FHIT: variants seen among roughly 807,000 people sequenced by gnomAD.
FHIT encodes fragile histidine triad diadenosine triphosphatase, also known as bis(5'-adenosyl)-triphosphatase.
In FHIT, 19 loss-of-function variants were observed where a neutral mutation model predicts 17.9. The ratio of observed to expected loss-of-function variants is 1.06; its 90% CI spans 0.74 to 1.56. The LOEUF is 1.56. FHIT is among the 40% of genes most tolerant of loss of function. The pLI, the probability that FHIT is intolerant of heterozygous loss-of-function variation, is 0.00. For synonymous variants in FHIT, 81 were observed against 69.7 expected (o/e 1.16, Z -0.81); for missense variants, 248 against 189.2 (o/e 1.31, Z -1.82).
At chr3:60,216,529 T>C (rs539965907) in intron 5 of FHIT, among the ~76,000 whole-genome samples, 15 of 152,274 alleles carry the variant, frequency 9.9e-5, no homozygotes, top group African/African-American at 2.2e-4. Context: ...ATTAAAGTTA[T>C]AGGCAAAAAT....
At chr3:60,796,001 C>T (rs1553730177) in intron 4 of FHIT, among the ~76,000 whole-genome samples, 2 of 152,056 alleles carry the variant, frequency 1.3e-5, no homozygotes, top group African/African-American at 2.4e-5. Flanking sequence ...AGAATCATGG[C>T]GGGAGGTGAA....
rs531188013 is a variant in FHIT at position 61,020,461 on chromosome 3, C to T, written c.-111+21586G>A. Among the ~76,000 whole-genome samples, 26 of 152,132 alleles carry T rather than the reference C, an allele frequency of 1.7e-4. No individual in the cohort carries two copies. In the East Asian group the frequency reaches 4.5e-3, roughly 26 times the overall value. ...AGCACTTTGTCTGATGGATAGATTGCAAAGATTTTCTCCCATTCTGTAGGT... is the reference window on the plus strand; with the variant it reads ...AGCACTTTGTCTGATGGATAGATTGTAAAGATTTTCTCCCATTCTGTAGGT... On this transcript the variant is annotated intron_variant, in intron 3 of 9. Transcript: ENST00000492590.
intron 5 of FHIT, among the ~76,000 whole-genome samples, chr3:60,270,312 A>G (rs1458560176): frequency 6.6e-6 from 1 of 152,192 alleles, no homozygotes; most frequent in Non-Finnish European, 1.5e-5. Flanking sequence ...TGCTGCAGTG[A>G]GAGACACATT....
intron 3 of FHIT, among the ~76,000 whole-genome samples, chr3:60,990,848 A>G (rs2030136542): frequency 6.6e-6 from 1 of 152,228 alleles, no homozygotes; most frequent in South Asian, 2.1e-4. Context: ...AAAATATATA[A>G]GGAAATGTCT....
intron 4 of FHIT, among the ~76,000 whole-genome samples, chr3:60,550,943 C>T (rs778152614): frequency 3.0e-4 from 45 of 152,058 alleles, no homozygotes; most frequent in Non-Finnish European, 6.2e-4. Flanking sequence ...AATCCAAGAA[C>T]AGGAAGGGAC....
intron 5 of FHIT, among the ~76,000 whole-genome samples, chr3:60,467,495 A>G (rs1188525141): frequency 1.3e-5 from 2 of 151,830 alleles, no homozygotes; most frequent in African/African-American, 4.8e-5. Context: ...CTTTCACCAT[A>G]TCTCATAGGT....
At chr3:61,075,304 G>C (rs192638969) in intron 2 of FHIT, among the ~76,000 whole-genome samples, 287 of 151,958 alleles carry the variant, frequency 1.9e-3, no homozygotes, top group African/African-American at 6.6e-3. Flanking sequence ...GTGGTGGCAG[G>C]GGGGAGTACT....
chr3:60,772,346 A>C (rs1427508319), intron 4 of FHIT, among the ~76,000 whole-genome samples: 3 of 125,738 alleles, frequency 2.4e-5, no homozygotes, highest in African/African-American at 7.8e-5. Context: ...ATATATATAT[A>C]TATATATATT....
chr3:60,785,888 A>G (rs1339426378), intron 4 of FHIT, among the ~76,000 whole-genome samples: 7 of 130,722 alleles, frequency 5.4e-5, no homozygotes, highest in Non-Finnish European at 7.8e-5. Flanking sequence ...CAAATGCAAC[A>G]AACAGAAGAC....
At chr3:60,077,200 T>C (rs773352932) in intron 5 of FHIT, among the ~76,000 whole-genome samples, 4 of 152,004 alleles carry the variant, frequency 2.6e-5, no homozygotes, top group African/African-American at 7.2e-5. Context: ...TATTACAGGA[T>C]TGAAAGCATC....
At chr3:59,762,874 C>G (rs1701596457) in intron 8 of FHIT, among the ~76,000 whole-genome samples, 1 of 152,206 alleles carries the variant, frequency 6.6e-6, no homozygotes, top group Non-Finnish European at 1.5e-5. Flanking sequence ...GACTAGAGAT[C>G]TCTGCCAGTT....
At chr3:59,989,242 T>C (rs930040189) in intron 7 of FHIT, among the ~76,000 whole-genome samples, 1 of 152,068 alleles carries the variant, frequency 6.6e-6, no homozygotes, top group Non-Finnish European at 1.5e-5. Flanking sequence ...GAAACTGAGC[T>C]CTTGAGTTCC....
At chr3:61,040,950 T>C (rs1313659389) in intron 3 of FHIT, among the ~76,000 whole-genome samples, 1 of 152,164 alleles carries the variant, frequency 6.6e-6, no homozygotes, top group African/African-American at 2.4e-5. Context: ...GGGCTTCTTA[T>C]CCTTGGCAGC....
intron 8 of FHIT, among the ~76,000 whole-genome samples, chr3:59,833,120 T>C (rs1478085949): frequency 2.0e-5 from 3 of 152,176 alleles, no homozygotes; most frequent in Non-Finnish European, 2.9e-5. Context: ...GGGGGTAAGT[T>C]ACACTGGGGT....
At chr3:60,345,743 T>A (rs998393413) in intron 5 of FHIT, among the ~76,000 whole-genome samples, 3 of 152,200 alleles carry the variant, frequency 2.0e-5, no homozygotes, top group African/African-American at 7.2e-5. Flanking sequence ...GAATCTTGAA[T>A]GACATCAGTA....
intron 5 of FHIT, among the ~76,000 whole-genome samples, chr3:60,104,767 G>C (rs561459325): frequency 3.3e-5 from 5 of 151,992 alleles, no homozygotes; most frequent in African/African-American, 4.8e-5. Flanking sequence ...ATAAAAACCA[G>C]AACAATGCTA....
In FHIT at chr3:59,748,387, T is replaced by A. The variant is rs1700712731; in HGVS notation, c.*1198A>T. Among the ~76,000 whole-genome samples, 1 of 151,868 alleles carries A rather than the reference T, an allele frequency of 6.6e-6. No homozygotes were observed. Among genetic ancestry groups the A allele is most frequent in the Non-Finnish European group, 1.5e-5 (1 of 67,968 alleles). ...TGGTCAGATGGTAAAGAAAAGAAAG[T>A]GGGAGGGTAGCCTAGGCAGGATTCA... On this transcript the variant is annotated 3_prime_UTR_variant, in exon 10 of 10. Coordinates refer to ENST00000492590, the MANE Select transcript of FHIT (RefSeq NM_002012.4).
In FHIT at chr3:61,209,683, G is replaced by C. The variant is rs567871950; in HGVS notation, c.-212-9018C>G. Among the ~76,000 whole-genome samples the C allele has an allele frequency of 2.6e-4, 40 of 152,204 alleles. 1 individual carries two copies. The highest frequency in any genetic ancestry group is 7.7e-4 in the African/African-American group (32 of 41,520). ...TCCATCAAGTCCTTTAAGGACTTCTGTGCATTGGTTATTCTAGTTAGCCAT... is the reference window on the plus strand; with the variant it reads ...TCCATCAAGTCCTTTAAGGACTTCTCTGCATTGGTTATTCTAGTTAGCCAT... On this transcript the variant is annotated intron_variant, in intron 1 of 9. Transcript: ENST00000492590.
intron 5 of FHIT, among the ~76,000 whole-genome samples, chr3:60,347,689 G>GGTTTTT (rs1553750581): frequency 2.3e-5 from 2 of 85,304 alleles, no homozygotes; most frequent in Admixed American, 1.2e-4. Context: ...GGGGGGGGGG[G>GGTTTTT]TTTGTTTTTT....
Sources: allele counts gnomAD v4.1 joint callset (sites outside exome capture counted in the v4.1 genomes callset), GRCh38; gene constraint gnomAD v4.1.1; transcripts MANE v1.5; gene names NCBI Gene and HGNC (gene_info 2026-07-23, HGNC 2026-07-21).